MGAT4C: variants seen among roughly 807,000 people sequenced by gnomAD.
The protein encoded by MGAT4C is alpha-1,3-mannosyl-glycoprotein 4-beta-N-acetylglucosaminyltransferase C.
MGAT4C carries 19 observed loss-of-function variants against 40.1 expected under a neutral mutation model. That is an observed-to-expected ratio of 0.47 (90% CI 0.33 to 0.70). The LOEUF (loss-of-function observed/expected upper bound fraction) is 0.70. Among genes scored for constraint, MGAT4C ranks in the 30% least tolerant of loss-of-function variants. The probability of loss-of-function intolerance (pLI) is 0.02; values close to 1 mark genes in which losing one functional copy is unlikely to be tolerated. For missense variants in MGAT4C, 491 were observed against 563.2 expected (o/e 0.87, Z 1.30); for synonymous variants, 181 against 187.1 (o/e 0.97, Z 0.27).
chr12:86,267,132 T>C (rs1475217356), intron 4 of MGAT4C, among the ~76,000 whole-genome samples: 3 of 152,172 alleles, frequency 2.0e-5, no homozygotes, highest in African/African-American at 7.2e-5. Context: ...TTATTTCTTT[T>C]CTTCTGCAGT....
chr12:86,821,387 C>T (rs2136226869), intron 1 of MGAT4C, among the ~76,000 whole-genome samples: 1 of 150,854 alleles, frequency 6.6e-6, no homozygotes, highest in Non-Finnish European at 1.5e-5. Flanking sequence ...CATAATTTTG[C>T]ATACTTATGG....
At chr12:86,603,493 A>AG (rs1961882592) in intron 2 of MGAT4C, among the ~76,000 whole-genome samples, 1 of 86,446 alleles carries the variant, frequency 1.2e-5, no homozygotes, top group African/African-American at 4.7e-5. Flanking sequence ...AGACTATATA[A>AG]TATATACTAT....
intron 2 of MGAT4C, among the ~76,000 whole-genome samples, chr12:86,626,709 T>C (rs367952342): frequency 2.0e-5 from 3 of 152,238 alleles, no homozygotes; most frequent in Admixed American, 2.0e-4. Context: ...ACTAAATAAA[T>C]GGTAATAGAA....
At chr12:86,826,035 A>T (rs575549107) in intron 1 of MGAT4C, among the ~76,000 whole-genome samples, 1 of 151,508 alleles carries the variant, frequency 6.6e-6, no homozygotes, top group East Asian at 1.9e-4. Context: ...GTCTCCAGGA[A>T]TCCAGCAGAA....
At chr12:86,275,840 G>T (rs909094624) in intron 4 of MGAT4C, among the ~76,000 whole-genome samples, 1 of 148,362 alleles carries the variant, frequency 6.7e-6, no homozygotes, top group Non-Finnish European at 1.5e-5. Context: ...GGTGGCTCAC[G>T]CCTGTAATCC....
chr12:86,110,300 CTATA>C (rs1212728296), intron 1 of MGAT4C, among the ~76,000 whole-genome samples: 3 of 12,216 alleles, frequency 2.5e-4, no homozygotes, highest in African/African-American at 1.3e-3. Flanking sequence ...TATAGTCTCT[CTATA>C]TATATATATA....
At chr12:86,538,576 G>A (rs997896874) in intron 2 of MGAT4C, among the ~76,000 whole-genome samples, 1 of 149,594 alleles carries the variant, frequency 6.7e-6, no homozygotes, top group Non-Finnish European at 1.5e-5. Context: ...TCATATTAAC[G>A]TTATGGTGTC....
At chr12:86,685,394 T>C (rs1216246140) in intron 2 of MGAT4C, among the ~76,000 whole-genome samples, 2 of 152,202 alleles carry the variant, frequency 1.3e-5, no homozygotes, top group East Asian at 1.9e-4. Flanking sequence ...CATTGGTCTA[T>C]ATATCTGTTT....
chr12:86,331,600 C>T (rs911340854), intron 4 of MGAT4C, among the ~76,000 whole-genome samples: 1 of 152,060 alleles, frequency 6.6e-6, no homozygotes, highest in Non-Finnish European at 1.5e-5. Context: ...ACTGCTTTTC[C>T]CTGGCATGGG....
At chr12:86,639,275 T>C (rs1483477975) in intron 2 of MGAT4C, among the ~76,000 whole-genome samples, 1 of 151,786 alleles carries the variant, frequency 6.6e-6, no homozygotes, top group Admixed American at 6.6e-5. Context: ...TGATTTACAT[T>C]TTACATCAGG....
chr12:86,061,955 G>A (rs1430635169), intron 1 of MGAT4C, among the ~76,000 whole-genome samples: 1 of 152,140 alleles, frequency 6.6e-6, no homozygotes, highest in African/African-American at 2.4e-5. Context: ...AGCTTCAGCA[G>A]ACTTAAACTT....
At chr12:86,170,220 A>G (rs1326076286) in intron 1 of MGAT4C, among the ~76,000 whole-genome samples, 3 of 152,214 alleles carry the variant, frequency 2.0e-5, no homozygotes, top group Non-Finnish European at 4.4e-5. Context: ...CTTGAGCAAG[A>G]AAAGGGTAAT....
intron 2 of MGAT4C, among the ~76,000 whole-genome samples, chr12:86,024,287 T>A (rs1890053562): frequency 6.7e-6 from 1 of 148,284 alleles, no homozygotes; most frequent in Non-Finnish European, 1.5e-5. Context: ...TTTTCTCAAT[T>A]AATACATTTT....
chr12:86,069,249 A>G, intron 1 of MGAT4C, among the ~76,000 whole-genome samples: 1 of 152,112 alleles, frequency 6.6e-6, no homozygotes, highest in East Asian at 1.9e-4. Flanking sequence ...TCTCCCCACA[A>G]AACTCTTCTG....
intron 3 of MGAT4C, among the ~76,000 whole-genome samples, chr12:86,346,132 C>T (rs1955027246): frequency 6.6e-6 from 1 of 152,092 alleles, no homozygotes; most frequent in Non-Finnish European, 1.5e-5. Context: ...ATTTTAAATC[C>T]TGGTTTGCAT....
intron 2 of MGAT4C, among the ~76,000 whole-genome samples, chr12:86,545,712 G>T (rs1959189582): frequency 6.6e-6 from 1 of 151,314 alleles, no homozygotes; most frequent in African/African-American, 2.4e-5. Context: ...ATAAATAGTG[G>T]AAAGAGAAGA....
chr12:86,814,006 GTTCAA>G (rs1429294036), intron 1 of MGAT4C, among the ~76,000 whole-genome samples: 3 of 151,728 alleles, frequency 2.0e-5, no homozygotes, highest in African/African-American at 4.8e-5. Context: ...CGCCACCCAG[GTTCAA>G]GCAATTCTCC....
chr12:86,710,369 G>T (rs765119509), intron 2 of MGAT4C, among the ~76,000 whole-genome samples: 12 of 152,190 alleles, frequency 7.9e-5, no homozygotes, highest in Non-Finnish European at 1.3e-4. Context: ...CCAGGGATAT[G>T]AGTTGTCTTA....
intron 1 of MGAT4C, among the ~76,000 whole-genome samples, chr12:86,180,338 G>T (rs1484609149): frequency 6.6e-6 from 1 of 152,254 alleles, no homozygotes; most frequent in East Asian, 1.9e-4. Context: ...CAGTGCAGAA[G>T]GGAAATACGG....
Sources: gnomAD v4.1 joint callset for allele counts (sites outside exome capture counted in the v4.1 genomes callset) on GRCh38, gnomAD v4.1.1 for gene constraint, MANE v1.5 for transcripts, NCBI Gene and HGNC (gene_info 2026-07-23, HGNC 2026-07-21) for gene names.